Variants in CSMD1 observed in about 807,000 individuals in gnomAD.
CSMD1 encodes CUB and Sushi multiple domains 1, also known as CUB and sushi domain-containing protein 1.
Under a neutral mutation model 417.5 loss-of-function variants are expected in CSMD1, and 213 were observed. That is an observed-to-expected ratio of 0.51 (90% confidence interval 0.46 to 0.57). The LOEUF (loss-of-function observed/expected upper bound fraction) is 0.57. Among genes scored for constraint, CSMD1 ranks in the 20% least tolerant of loss-of-function variants. CSMD1 has a pLI of 0.00. For missense variants in CSMD1, 6,923 were observed against 4,529.7 expected, an observed-to-expected ratio of 1.53 and a Z score of -15.17; for synonymous variants, 2,862 against 1,736.8, an observed-to-expected ratio of 1.65 and a Z score of -16.11.
At chr8:3,542,781 C>T (rs147102032) in intron 10 of CSMD1, among the ~76,000 whole-genome samples, 1 of 152,280 alleles carries the variant, frequency 6.6e-6, no homozygotes, top group East Asian at 1.9e-4. Context: ...CCAGTCTTTC[C>T]CCAGGACAGG....
chr8:4,108,193 G>T (rs983261727), intron 3 of CSMD1, among the ~76,000 whole-genome samples: 1 of 151,940 alleles, frequency 6.6e-6, no homozygotes, highest in Non-Finnish European at 1.5e-5. Context: ...AGACTCTATG[G>T]GAAACAAATC....
chr8:4,348,136 G>C (rs1298436326), intron 3 of CSMD1, among the ~76,000 whole-genome samples: 4 of 152,206 alleles, frequency 2.6e-5, no homozygotes. Flanking sequence ...ATTAAAGAGA[G>C]AAGACCTTTT....
At chr8:3,108,816 G>A in intron 43 of CSMD1, 68 bp from the exon 44 acceptor site, 1 of 1,452,612 alleles carries the variant, frequency 6.9e-7, no homozygotes, top group South Asian at 1.3e-5. Context: ...TGGAAACTTT[G>A]GCTAATGAAT....
chr8:4,404,390 T>C (rs1395418652), intron 3 of CSMD1, among the ~76,000 whole-genome samples: 2 of 152,210 alleles, frequency 1.3e-5, no homozygotes, highest in Non-Finnish European at 2.9e-5. Context: ...ACGCTGTATA[T>C]GTAATCTCTA....
intron 2 of CSMD1, among the ~76,000 whole-genome samples, chr8:4,463,971 A>T (rs1179176126): frequency 6.6e-6 from 1 of 152,160 alleles, no homozygotes; most frequent in Non-Finnish European, 1.5e-5. Flanking sequence ...TGGGATATTG[A>T]AATTCCATTT....
chr8:4,454,897 C>T (rs1799377078), intron 2 of CSMD1, among the ~76,000 whole-genome samples: 1 of 152,088 alleles, frequency 6.6e-6, no homozygotes, highest in Non-Finnish European at 1.5e-5. Flanking sequence ...GATACACCTA[C>T]AGAAACTGAA....
At chr8:3,989,741 T>A (rs1814604927) in intron 5 of CSMD1, among the ~76,000 whole-genome samples, 1 of 152,126 alleles carries the variant, frequency 6.6e-6, no homozygotes, top group African/African-American at 2.4e-5. Flanking sequence ...AAGTCATAGG[T>A]GGGAAACGCT....
At chr8:3,670,985 ATATGGGATATATATG>A (rs1251141481) in intron 7 of CSMD1, among the ~76,000 whole-genome samples, 3 of 52,484 alleles carry the variant, frequency 5.7e-5, no homozygotes, top group African/African-American at 9.1e-5. Flanking sequence ...ATATATATGT[ATATGGGATATATATG>A]TATGGGATAT....
At chr8:3,134,640 CCT>C (rs1207617827) in intron 41 of CSMD1, among the ~76,000 whole-genome samples, 16 of 152,224 alleles carry the variant, frequency 1.1e-4, no homozygotes, top group African/African-American at 2.6e-4. Context: ...CATTCTTTCC[CCT>C]GTTAGTGCAC....
At chr8:4,838,274 G>A (rs2116759680) in intron 1 of CSMD1, among the ~76,000 whole-genome samples, 1 of 152,312 alleles carries the variant, frequency 6.6e-6, no homozygotes, top group Admixed American at 6.5e-5. Flanking sequence ...TAGTGTCAAA[G>A]TGTCAGGAGA....
At chr8:3,918,777 T>G (rs537240806) in intron 5 of CSMD1, among the ~76,000 whole-genome samples, 4 of 152,082 alleles carry the variant, frequency 2.6e-5, no homozygotes, top group African/African-American at 9.7e-5. Flanking sequence ...AACTCAGCAA[T>G]GGAAAACCAA....
At chr8:3,695,349 A>C (rs528593591) in intron 7 of CSMD1, among the ~76,000 whole-genome samples, 1 of 150,606 alleles carries the variant, frequency 6.6e-6, no homozygotes, top group South Asian at 2.1e-4. Context: ...AAGAAATGAC[A>C]AATAACCACA....
chr8:3,759,886 G>A (rs1486830816), intron 5 of CSMD1, among the ~76,000 whole-genome samples: 3 of 145,102 alleles, frequency 2.1e-5, no homozygotes, highest in Non-Finnish European at 3.0e-5. Flanking sequence ...TCTAGCCTGG[G>A]TGACTGAGAG....
intron 25 of CSMD1, among the ~76,000 whole-genome samples, chr8:3,292,693 A>T (rs572193469): frequency 2.0e-5 from 3 of 152,056 alleles, no homozygotes; most frequent in Non-Finnish European, 1.5e-5. Flanking sequence ...ATCTTCCTCC[A>T]TCCTTTTATT....
intron 12 of CSMD1, among the ~76,000 whole-genome samples, chr8:3,446,112 G>C (rs976491110): frequency 6.6e-6 from 1 of 152,136 alleles, no homozygotes; most frequent in Non-Finnish European, 1.5e-5. Flanking sequence ...ACTAATTTGA[G>C]AAGTTTGTTG....
intron 33 of CSMD1, among the ~76,000 whole-genome samples, chr8:3,197,265 G>A (rs1394194129): frequency 6.6e-6 from 1 of 152,064 alleles, no homozygotes; most frequent in Non-Finnish European, 1.5e-5. Context: ...TGATGCTGTT[G>A]CAAACATTTT....
chr8:4,365,199 C>T (rs557720395), intron 3 of CSMD1, among the ~76,000 whole-genome samples: 2 of 151,918 alleles, frequency 1.3e-5, no homozygotes, highest in East Asian at 1.9e-4. Flanking sequence ...ATATTTGCAC[C>T]TTGTCTATAT....
chr8:4,197,782 T>C (rs756595549), intron 3 of CSMD1, among the ~76,000 whole-genome samples: 6 of 152,028 alleles, frequency 3.9e-5, no homozygotes, highest in Non-Finnish European at 7.4e-5. Flanking sequence ...GGGAGGCTGA[T>C]ATGGGAGGAT....
At chr8:4,571,605 G>C (rs529469259) in intron 2 of CSMD1, among the ~76,000 whole-genome samples, 4 of 152,304 alleles carry the variant, frequency 2.6e-5, no homozygotes, top group African/African-American at 7.2e-5. Context: ...GTGCTGAGAA[G>C]AATGTGAACT....
Sources: allele counts gnomAD v4.1 joint callset (sites outside exome capture counted in the v4.1 genomes callset), GRCh38; gene constraint gnomAD v4.1.1; transcripts MANE v1.5; gene names NCBI Gene and HGNC (gene_info 2026-07-23, HGNC 2026-07-21).